The following HYOU1 variants were observed in gnomAD, a reference collection of about 807,000 sequenced individuals.
The protein encoded by HYOU1 is hypoxia up-regulated protein 1.
A neutral mutation model predicts 120.5 loss-of-function variants in HYOU1; 40 were observed. That is an observed-to-expected ratio of 0.33 (90% CI 0.26 to 0.43). HYOU1 has a LOEUF of 0.43. HYOU1 is among the 20% of genes least tolerant of loss of function. The pLI, the probability that HYOU1 is intolerant of heterozygous loss-of-function variation, is 1.00. For synonymous variants in HYOU1, 501 were observed against 479.4 expected, an observed-to-expected ratio of 1.05 and a Z score of -0.59; for missense variants, 1,085 against 1,278.3, an observed-to-expected ratio of 0.85 and a Z score of 2.31.
In HYOU1 at chr11:119,046,772, C is replaced by A. The variant is rs2133553291; in HGVS notation, c.2626G>T (p.Ala876Ser). ...AWKNATLAEQ[A>S]KLPATEKPVL... ...GGCTTCTCTGTGGCGGGCAGCTTAG[C>A]CTGCTCGGCCAGAGTTGCATTCTTC... Residue 876 changes from alanine (A) to serine (S), a missense_variant, in exon 23 of 26, where the codon GCT becomes TCT. By Grantham distance (99) the Ala-to-Ser change is moderately conservative. Coordinates refer to ENST00000617285, the MANE Select transcript of HYOU1 (RefSeq NM_006389.5). The A allele has an allele frequency of 2.5e-6, 4 of 1,601,690 alleles. No homozygotes were observed. The African/African-American group carries it at 5.3e-5, about 21-fold the overall frequency.
In HYOU1 at chr11:119,052,176, C is replaced by T. The variant is rs2133590834; in HGVS notation, c.1123-4G>A. 18 of 1,614,050 alleles carry T rather than the reference C, an allele frequency of 1.1e-5. No individual in the cohort carries two copies. The highest frequency in any genetic ancestry group is 2.2e-5 in the South Asian group (2 of 91,090). ...GGATCACCTGCTCAATCTCATCCTG[C>T]AGTGGGTAAGAATGACAGGTGCAAC... On this transcript the variant is annotated splice_region_variant and splice_polypyrimidine_tract_variant and intron_variant, in intron 10 of 25. Coordinates refer to ENST00000617285, the MANE Select transcript of HYOU1 (RefSeq NM_006389.5). The surrounding 1 kb of genome is among the most constrained non-coding windows in gnomAD (Gnocchi z 5.0).
Position 119,052,708 on chromosome 11 carries a change from T to G in HYOU1, c.916A>C (p.Met306Leu), listed in dbSNP as rs2133594912. 3.7e-6 allele frequency: 6 copies of G among 1,614,216 alleles called. No homozygotes were observed. The highest frequency in any genetic ancestry group is 8.5e-7 in the Non-Finnish European group (1 of 1,180,030). ...TTAGCCTCACGCAGCAGCTTGGCCA[T>G]GGCACGCGGGTTCTCCCGCACATCC... ...AKDVRENPRA[M>L]AKLLREANRL... The change falls in exon 9 of 26, where the codon ATG becomes CTG. Residue 306 changes from methionine (M) to leucine (L), a missense_variant. Met to Leu is a conservative substitution (Grantham distance 15). Transcript: ENST00000617285. This position sits in a 1 kb window ranked among gnomAD's most constrained non-coding sequence, Gnocchi z 5.0.
chr11:119,054,391 A>C, intron 7 of HYOU1, 103 bp downstream of exon 7: 1 of 1,336,850 alleles, frequency 7.5e-7, no homozygotes, highest in Non-Finnish European at 1.1e-6. Context: ...GCATTTTGCC[A>C]AGGGTCAGCC....
chr11:119,052,334 C>T lies in HYOU1; in HGVS notation c.1083G>A (p.Gly361=). The T allele has an allele frequency of 6.2e-7, 1 of 1,614,220 alleles. No homozygotes were observed. Among genetic ancestry groups the T allele is most frequent in the Non-Finnish European group, 8.5e-7 (1 of 1,180,044 alleles). Residue 361 remains glycine (G), a synonymous_variant, in exon 10 of 26, where the codon GGG becomes GGA. Transcript: ENST00000617285. This position sits in a 1 kb window ranked among gnomAD's most constrained non-coding sequence, Gnocchi z 5.0. ...LCADLFERVP[G]PVQQALQSAE... is the part of the protein sequence containing the mutation. ...CACTCTGGAGGGCCTGCTGTACAGG[C>T]CCAGGCACCCGCTCAAACAAGTCTG...
Position 119,049,127 on chromosome 11 carries a change from G to A in HYOU1, c.1883C>T (p.Ala628Val), listed in dbSNP as rs2133569881. Residue 628 changes from alanine (A) to valine (V), a missense_variant, in exon 17 of 26, where the codon GCC becomes GTC. Transcript: ENST00000617285. ...EQVELKEEAE[A>V]PVEDGSQPPP... Reference sequence around the variant, plus strand: ...GGGCTGAGAGCCATCCTCCACTGGGGCCTCAGCTTCCTCCTTGAGCTCCAC... The same window carrying A: ...GGGCTGAGAGCCATCCTCCACTGGGACCTCAGCTTCCTCCTTGAGCTCCAC... 4 of 1,613,702 alleles carry A rather than the reference G, an allele frequency of 2.5e-6. No individual in the cohort carries two copies. The African/African-American group carries it at 4.0e-5, about 16-fold the overall frequency.
At chr11:119,054,288 G>C (rs2133604025) in intron 7 of HYOU1, 52 bp from the exon 8 acceptor site, 2 of 1,427,548 alleles carry the variant, frequency 1.4e-6, no homozygotes, top group Non-Finnish European at 2.0e-6. Flanking sequence ...ACTCCAGGGG[G>C]CCTGCCTGCC....
At chr11:119,046,330 T>C (rs1246751905) in intron 24 of HYOU1, 87 bp downstream of exon 24, 3 of 1,151,864 alleles carry the variant, frequency 2.6e-6, no homozygotes, top group Non-Finnish European at 3.9e-6. Flanking sequence ...GCTCATGGGC[T>C]GTCTAGAAAC....
At chr11:119,049,279 C>A in intron 16 of HYOU1, 76 bp from the exon 17 acceptor site, 1 of 1,590,418 alleles carries the variant, frequency 6.3e-7, no homozygotes, top group Non-Finnish European at 8.5e-7. Flanking sequence ...GCACCGCCGA[C>A]CCCATGGGGG....
chr11:119,053,816 T>G (rs1335280358), intron 8 of HYOU1: 1 of 254,390 alleles, frequency 3.9e-6, no homozygotes, highest in Non-Finnish European at 7.5e-6. Context: ...GTAAATTATT[T>G]AACTGGAAAT....
In HYOU1 at chr11:119,055,662, A is replaced by C; in HGVS notation, c.185+88T>G. The C allele has an allele frequency of 6.7e-7, 1 of 1,498,252 alleles. No homozygotes were observed. Among genetic ancestry groups the C allele is most frequent in the Non-Finnish European group, 9.3e-7 (1 of 1,074,502 alleles). The allele number at this position is 1,498,252 out of a possible 1,614,324, so 92.8% of individuals were successfully genotyped here. On this transcript the variant is annotated intron_variant, in intron 3 of 25. Transcript: ENST00000617285. The surrounding 1 kb of genome is among the most constrained non-coding windows in gnomAD (Gnocchi z 4.0). Reference sequence around the variant, plus strand: ...ACACATTTAACCACTCAGATGCCGAAGTCTGCTGTGGGCACTATGACTAAC... The same window carrying C: ...ACACATTTAACCACTCAGATGCCGACGTCTGCTGTGGGCACTATGACTAAC...
At position 119,051,304 on chromosome 11, in the gene HYOU1, T is replaced by C; in HGVS notation, c.1527-131A>G. The C allele has an allele frequency of 6.7e-7, 1 of 1,490,016 alleles. No homozygotes were observed. Among genetic ancestry groups the C allele is most frequent in the Non-Finnish European group, 9.2e-7 (1 of 1,087,310 alleles). 92.3% of individuals were successfully genotyped at this position (1,490,016 alleles called of 1,614,324 possible). On this transcript the variant is annotated intron_variant, in intron 13 of 25. Transcript: ENST00000617285. This position sits in a 1 kb window ranked among gnomAD's most constrained non-coding sequence, Gnocchi z 4.2. ...CACACTCAAGAGGACGGATGCATTC[T>C]CCAGCGAAGCTGATCATAGCTGCCC...
At chr11:119,049,908 G>C in intron 14 of HYOU1, 71 bp from the exon 15 acceptor site, 1 of 1,406,242 alleles carries the variant, frequency 7.1e-7, no homozygotes, top group East Asian at 2.3e-5. Flanking sequence ...CTGCCAAAGT[G>C]GGTGTTTGCT....
In HYOU1 at chr11:119,048,225, C is replaced by G. The variant is rs2133561958; in HGVS notation, c.2376+23G>C. Reference sequence around the variant, plus strand: ...GGAAGGAGAGCTCCCACTCCACCTGCCATGTCCTGAGAGGCCCCTCACCAC... The same window carrying G: ...GGAAGGAGAGCTCCCACTCCACCTGGCATGTCCTGAGAGGCCCCTCACCAC... On this transcript the variant is annotated intron_variant, in intron 20 of 25. Transcript: ENST00000617285. The surrounding 1 kb of genome is among the most constrained non-coding windows in gnomAD (Gnocchi z 4.7). 17 of 1,609,200 alleles carry G rather than the reference C, an allele frequency of 1.1e-5. No homozygotes were observed. The African/African-American group carries it at 1.9e-4, about 18-fold the overall frequency.
rs782248773 is a variant in HYOU1, at chr11:119,055,839, T to C, written c.96A>G (p.Thr32=). The part of the protein sequence containing the change: ...LLADLLALSD[T]LAVMSVDLGS... ...CCAGGTCCACAGACATCACTGCCAG[T>C]GTATCTGAAGGGAAAAGAGGTTTGT... The change falls in exon 3 of 26, where the codon ACA becomes ACG. Residue 32 remains threonine (T), a synonymous_variant. Coordinates refer to ENST00000617285, the MANE Select transcript of HYOU1 (RefSeq NM_006389.5). The surrounding 1 kb of genome is among the most constrained non-coding windows in gnomAD (Gnocchi z 4.0). 68 of 1,613,702 alleles carry C rather than the reference T, an allele frequency of 4.2e-5. No individual in the cohort carries two copies. Among genetic ancestry groups the C allele is most frequent in the Non-Finnish European group, 5.4e-5 (64 of 1,179,704 alleles).
Position 119,050,883 on chromosome 11 carries a change from G to A in HYOU1, c.1665+152C>T, listed in dbSNP as rs2133581611. ...ATAGGCTATAAGGAGGTCTGCACCA[G>A]ATCATCAGTTAGCTCTGTTCAGAGC... On this transcript the variant is annotated intron_variant, in intron 14 of 25. Transcript: ENST00000617285. 6.3e-6 allele frequency: 5 copies of A among 788,852 alleles called. No homozygotes were observed. In the African/African-American group the frequency reaches 8.7e-5, roughly 14 times the overall value. 48.9% of individuals were successfully genotyped at this position (788,852 alleles called of 1,614,324 possible). A position where few individuals can be genotyped will look rare whatever the true frequency, so the allele number is the denominator to read the frequency against.
intron 24 of HYOU1, 126 bp from the exon 25 acceptor site, chr11:119,045,957 C>G: frequency 1.1e-6 from 1 of 905,282 alleles, no homozygotes; most frequent in South Asian, 1.5e-5. Context: ...CATTTGGTCT[C>G]TTTGCCTACT....
chr11:119,045,449 C>T lies in HYOU1; in HGVS notation c.*144G>A, dbSNP rs1009667489. 5.0e-6 allele frequency: 4 copies of T among 794,712 alleles called. No homozygotes were observed. The highest frequency in any genetic ancestry group is 5.0e-5 in the African/African-American group (3 of 59,812). The allele number at this position is 794,712 out of a possible 1,614,324, so 49.2% of individuals were successfully genotyped here. A position where few individuals can be genotyped will look rare whatever the true frequency, so the allele number is the denominator to read the frequency against. On this transcript the variant is annotated 3_prime_UTR_variant, in exon 26 of 26. Transcript: ENST00000617285. ...AACCAGTGAGCTGTCCCTCCCTTCC[C>T]CTTCTCCACACCTCCAAATCACAGG...
At position 119,049,133 on chromosome 11, in the gene HYOU1, G is replaced by A. The variant is rs2133569964; in HGVS notation, c.1877C>T (p.Ala626Val). The A allele has an allele frequency of 1.2e-6, 2 of 1,613,786 alleles. No homozygotes were observed. The highest frequency in any genetic ancestry group is 1.1e-5 in the South Asian group (1 of 91,070). The change falls in exon 17 of 26, where the codon GCT (alanine) becomes GTT (valine). Residue 626 changes from alanine to valine, a missense_variant. This residue lies in a region of HYOU1 where 516 missense variants were observed against 517.1 expected (regional missense o/e 1.00). Transcript: ENST00000617285. ...AGAGCCATCCTCCACTGGGGCCTCA[G>A]CTTCCTCCTTGAGCTCCACCTGCTC... ...PGEQVELKEE[A>V]EAPVEDGSQP...
At chr11:119,046,845 G>T in intron 22 of HYOU1, 43 bp from the exon 23 acceptor site, 1 of 1,588,126 alleles carries the variant, frequency 6.3e-7, no homozygotes, top group Non-Finnish European at 8.5e-7. Context: ...GCCATGGAGA[G>T]AGCAGACATC....
Sources: allele counts gnomAD v4.1 joint callset, GRCh38; gene constraint gnomAD v4.1.1; regional missense constraint gnomAD v4.1.1; non-coding constraint Gnocchi (gnomAD v3.1); transcripts MANE v1.5; gene names NCBI Gene and HGNC (gene_info 2026-07-23, HGNC 2026-07-21).